TMPRSS11F: variants seen among roughly 807,000 people sequenced by gnomAD.
The protein encoded by TMPRSS11F is transmembrane serine protease 11F, also known as transmembrane protease serine 11F.
TMPRSS11F carries 47 observed loss-of-function variants against 60.2 expected under a neutral mutation model. The observed-to-expected ratio is 0.78, with a 90% CI of 0.62 to 1.00. The LOEUF is 1.00. Among genes scored for constraint, TMPRSS11F ranks in the 50% least tolerant of loss-of-function variants. The pLI, the probability that TMPRSS11F is intolerant of heterozygous loss-of-function variation, is 0.00. For missense variants in TMPRSS11F, 519 were observed against 522.9 expected (o/e 0.99, Z 0.07); for synonymous variants, 166 against 167.3 (o/e 0.99, Z 0.06).
chr4:68,100,091 A>T (rs1724159686), intron 1 of TMPRSS11F, among the ~76,000 whole-genome samples: 1 of 151,282 alleles, frequency 6.6e-6, no homozygotes, highest in South Asian at 2.1e-4. Flanking sequence ...CGTTGGGGGG[A>T]AGGGAGGAAT....
chr4:68,086,491 CCAAA>C (rs1225609502), intron 3 of TMPRSS11F, among the ~76,000 whole-genome samples: 1 of 151,900 alleles, frequency 6.6e-6, no homozygotes, highest in Non-Finnish European at 1.5e-5. Context: ...CAAACCAACA[CCAAA>C]GCTAGCAAAA....
At chr4:68,067,968 G>A (rs893878489) in intron 7 of TMPRSS11F, among the ~76,000 whole-genome samples, 3 of 152,218 alleles carry the variant, frequency 2.0e-5, no homozygotes, top group Non-Finnish European at 2.9e-5. Context: ...GCAGTAGGGT[G>A]CCTATGTATG....
In TMPRSS11F at chr4:68,053,783, C is replaced by T; in HGVS notation, c.*126G>A. 2 of 915,194 alleles carry T rather than the reference C, an allele frequency of 2.2e-6. No individual in the cohort carries two copies. The highest frequency in any genetic ancestry group is 3.3e-6 in the Non-Finnish European group (2 of 615,170). The allele number at this position is 915,194 out of a possible 1,614,324, so 56.7% of individuals were successfully genotyped here. On this transcript the variant is annotated 3_prime_UTR_variant, in exon 10 of 10. Transcript: ENST00000356291. ...GGCCACCTCAGGATATTAGATTTGT[C>T]TGGGTCTGAAGGGCTTCTTGACATC... is the stretch of plus-strand genomic sequence containing the variant.
chr4:68,071,803 A>G (rs894575929), intron 5 of TMPRSS11F, among the ~76,000 whole-genome samples: 10 of 152,164 alleles, frequency 6.6e-5, no homozygotes, highest in African/African-American at 2.4e-4. Context: ...TTAAGTTGGA[A>G]ACAAGCTAGA....
chr4:68,095,089 T>G (rs1724044102), intron 2 of TMPRSS11F, among the ~76,000 whole-genome samples: 1 of 151,822 alleles, frequency 6.6e-6, no homozygotes, highest in Admixed American at 6.6e-5. Context: ...ATTTTATTCA[T>G]TAATCTCGAA....
intron 3 of TMPRSS11F, among the ~76,000 whole-genome samples, chr4:68,086,945 A>G (rs1173860111): frequency 6.6e-6 from 1 of 152,130 alleles, no homozygotes; most frequent in Non-Finnish European, 1.5e-5. Context: ...CCAGACATAC[A>G]CAGAAAAATG....
intron 2 of TMPRSS11F, among the ~76,000 whole-genome samples, chr4:68,098,119 A>G (rs1303699872): frequency 6.6e-6 from 1 of 152,158 alleles, no homozygotes; most frequent in East Asian, 1.9e-4. Context: ...AGCCTGGCCA[A>G]CATGGTGAAA....
chr4:68,115,356 C>CAAAAAAAAAA (rs57550471), intron 1 of TMPRSS11F, among the ~76,000 whole-genome samples: 1 of 74,690 alleles, frequency 1.3e-5, no homozygotes, highest in Non-Finnish European at 2.5e-5. Context: ...GACACCATCT[C>CAAAAAAAAAA]AAAAAAAAAA....
chr4:68,053,779 T>A lies in TMPRSS11F; in HGVS notation c.*130A>T. On this transcript the variant is annotated 3_prime_UTR_variant, in exon 10 of 10. Coordinates refer to ENST00000356291, the MANE Select transcript of TMPRSS11F (RefSeq NM_207407.2). ...TAAAGGCCACCTCAGGATATTAGAT[T>A]TGTCTGGGTCTGAAGGGCTTCTTGA... 1.1e-6 allele frequency: 1 copy of A among 869,588 alleles called. No homozygotes were observed. Among genetic ancestry groups the A allele is most frequent in the Non-Finnish European group, 1.7e-6 (1 of 577,880 alleles). 53.9% of individuals were successfully genotyped at this position (869,588 alleles called of 1,614,324 possible).
Position 68,064,666 on chromosome 4 carries a change from T to A in TMPRSS11F, c.1015+19A>T, listed in dbSNP as rs1319445607. 1 of 1,607,250 alleles carries A rather than the reference T, an allele frequency of 6.2e-7. No homozygotes were observed. Among genetic ancestry groups the A allele is most frequent in the African/African-American group, 1.3e-5 (1 of 74,684 alleles). On this transcript the variant is annotated intron_variant, in intron 8 of 9. Transcript: ENST00000356291. ...TCAAGACATTCTTGTGCTAAGAAAA[T>A]TAGGTTGAAACTGCTCACCATCATC...
intron 1 of TMPRSS11F, among the ~76,000 whole-genome samples, chr4:68,101,225 C>T (rs1724184209): frequency 6.6e-6 from 1 of 152,096 alleles, no homozygotes; most frequent in Admixed American, 6.6e-5. Context: ...TGGAATGTTG[C>T]CTTCTGTCTA....
chr4:68,092,728 A>G (rs1723969745), intron 2 of TMPRSS11F, among the ~76,000 whole-genome samples: 1 of 105,630 alleles, frequency 9.5e-6, no homozygotes, highest in African/African-American at 2.7e-5. Flanking sequence ...TTACAAAAAA[A>G]AGATTAAAAT....
At chr4:68,104,066 T>C (rs531416880) in intron 1 of TMPRSS11F, among the ~76,000 whole-genome samples, 1 of 152,184 alleles carries the variant, frequency 6.6e-6, no homozygotes, top group Non-Finnish European at 1.5e-5. Flanking sequence ...ATCTTTGGGA[T>C]TTATACATTT....
intron 9 of TMPRSS11F, among the ~76,000 whole-genome samples, chr4:68,057,340 A>G (rs1431385527): frequency 6.6e-6 from 1 of 151,638 alleles, no homozygotes; most frequent in Non-Finnish European, 1.5e-5. Context: ...CCCTTACACC[A>G]TGCACAAAAA....
At chr4:68,098,447 G>A (rs760535688) in intron 2 of TMPRSS11F, among the ~76,000 whole-genome samples, 1 of 152,086 alleles carries the variant, frequency 6.6e-6, no homozygotes, top group Non-Finnish European at 1.5e-5. Context: ...TCTTCCCACA[G>A]TCATAAAAAA....
chr4:68,069,645 T>C (rs112345472), intron 6 of TMPRSS11F, among the ~76,000 whole-genome samples: 2 of 152,026 alleles, frequency 1.3e-5, no homozygotes, highest in Non-Finnish European at 2.9e-5. Flanking sequence ...AAAGCCTAAA[T>C]GTTACCAGTT....
chr4:68,071,949 T>A (rs1723474719), intron 5 of TMPRSS11F, among the ~76,000 whole-genome samples: 1 of 151,914 alleles, frequency 6.6e-6, no homozygotes, highest in East Asian at 1.9e-4. Context: ...TACCTGTGTC[T>A]AATTCTAGCC....
At chr4:68,090,767 C>A in intron 2 of TMPRSS11F, 126 bp from the exon 3 acceptor site, 3 of 1,422,028 alleles carry the variant, frequency 2.1e-6, no homozygotes, top group Non-Finnish European at 2.8e-6. Context: ...TGTAAAAATT[C>A]TTGAAGACAC....
At chr4:68,076,716 G>A (rs537764209) in intron 3 of TMPRSS11F, among the ~76,000 whole-genome samples, 9 of 152,238 alleles carry the variant, frequency 5.9e-5, no homozygotes, top group Admixed American at 2.0e-4. Flanking sequence ...AAGAAAAAAG[G>A]TTTTCCCATA....
Sources: gnomAD v4.1 joint callset for allele counts (sites outside exome capture counted in the v4.1 genomes callset) on GRCh38, gnomAD v4.1.1 for gene constraint, MANE v1.5 for transcripts, NCBI Gene and HGNC (gene_info 2026-07-23, HGNC 2026-07-21) for gene names.